The following MLIP variants were observed in gnomAD, a reference collection of about 807,000 sequenced individuals.
MLIP encodes muscular LMNA-interacting protein.
Under a neutral mutation model 84.8 loss-of-function variants are expected in MLIP, and 79 were observed. The observed-to-expected ratio is 0.93, with a 90% CI of 0.78 to 1.12. The LOEUF is 1.12. Among genes scored for constraint, MLIP ranks in the 50% most tolerant of loss-of-function variants. The probability of loss-of-function intolerance (pLI) is 0.00; values close to 1 mark genes in which losing one functional copy is unlikely to be tolerated. For synonymous variants in MLIP, 504 were observed against 463.0 expected (o/e 1.09, Z -1.14); for missense variants, 1,257 against 1,160.6 (o/e 1.08, Z -1.21).
chr6:54,235,764 G>A (rs551259660), intron 12 of MLIP, among the ~76,000 whole-genome samples: 33 of 152,246 alleles, frequency 2.2e-4, no homozygotes, highest in Non-Finnish European at 4.3e-4. Flanking sequence ...TTTATTGAAG[G>A]CTATATCCAG....
At chr6:54,238,401 C>T (rs1781504828) in intron 12 of MLIP, among the ~76,000 whole-genome samples, 1 of 152,200 alleles carries the variant, frequency 6.6e-6, no homozygotes, top group South Asian at 2.1e-4. Context: ...TTCTGGCCTA[C>T]TTTCAGTATT....
intron 1 of MLIP, among the ~76,000 whole-genome samples, chr6:54,080,160 A>C (rs1356162607): frequency 6.6e-6 from 1 of 152,076 alleles, no homozygotes; most frequent in Admixed American, 6.6e-5. Flanking sequence ...TTCATTCAAC[A>C]GTCCTGACAA....
At chr6:54,062,896 G>A (rs1766044697) in intron 1 of MLIP, among the ~76,000 whole-genome samples, 1 of 152,094 alleles carries the variant, frequency 6.6e-6, no homozygotes, top group Non-Finnish European at 1.5e-5. Context: ...AATGTGCAGG[G>A]CTAGAATTAA....
intron 11 of MLIP, chr6:54,216,730 T>C: frequency 1.0e-6 from 1 of 985,444 alleles, no homozygotes; most frequent in South Asian, 4.7e-5. Flanking sequence ...ATATGTCTGT[T>C]TGAAAAAATG....
chr6:54,213,212 G>T (rs1364024034), intron 11 of MLIP, among the ~76,000 whole-genome samples: 2 of 152,116 alleles, frequency 1.3e-5, no homozygotes, highest in Non-Finnish European at 2.9e-5. Context: ...TAATTTAGTT[G>T]TAGAACATCA....
At chr6:54,244,174 T>A (rs542759059) in intron 12 of MLIP, among the ~76,000 whole-genome samples, 2 of 152,120 alleles carry the variant, frequency 1.3e-5, no homozygotes, top group African/African-American at 4.8e-5. Context: ...TGATTAGAAA[T>A]CCGTGTGAAT....
At chr6:54,233,168 CTTTCT>C (rs1456037918) in intron 12 of MLIP, among the ~76,000 whole-genome samples, 1 of 152,080 alleles carries the variant, frequency 6.6e-6, no homozygotes, top group Non-Finnish European at 1.5e-5. Context: ...ATTCCTTTTA[CTTTCT>C]TTTCTTTTTT....
At position 54,222,457 on chromosome 6, in the gene MLIP, C is replaced by T. The variant is rs181365855; in HGVS notation, c.2719-8257C>T. 1.1e-3 allele frequency among the ~76,000 whole-genome samples: 174 copies of T among 152,066 alleles called. No individual in the cohort carries two copies. In the Middle Eastern group the frequency reaches 0.02, roughly 18 times the overall value. On this transcript the variant is annotated intron_variant, in intron 11 of 13. Transcript: ENST00000502396. ...TATTTTGGATTTCACATTTAAGTTACGTAATGCACTATTTGTCTTTCTGTG... is the reference window on the plus strand; with the variant it reads ...TATTTTGGATTTCACATTTAAGTTATGTAATGCACTATTTGTCTTTCTGTG...
chr6:54,140,717 C>T (rs561068620), intron 4 of MLIP, among the ~76,000 whole-genome samples: 1 of 151,946 alleles, frequency 6.6e-6, no homozygotes, highest in East Asian at 1.9e-4. Context: ...TTTCAGAAAT[C>T]GTATCTTGAG....
At position 54,266,021 on chromosome 6, in the gene MLIP, C is replaced by T; in HGVS notation, c.*66C>T. ...TTGGAATGCTGGTGCTAACCACTTG[C>T]TAGATTTAACTTTTTTTTTTTTTTC... On this transcript the variant is annotated 3_prime_UTR_variant, in exon 14 of 14. Coordinates refer to ENST00000502396, the MANE Select transcript of MLIP (RefSeq NM_001281747.2). 1.3e-6 allele frequency: 2 copies of T among 1,517,458 alleles called. No individual in the cohort carries two copies. The highest frequency in any genetic ancestry group is 1.8e-5 in the Admixed American group (1 of 54,654). 94.0% of individuals were successfully genotyped at this position (1,517,458 alleles called of 1,614,324 possible).
Position 54,202,062 on chromosome 6 carries a change from G to GT in MLIP, c.2590-36dup, listed in dbSNP as rs760902654. 1.1e-5 allele frequency: 16 copies of GT among 1,393,500 alleles called. No individual in the cohort carries two copies. In the Middle Eastern group the frequency reaches 5.8e-4, roughly 50 times the overall value. 86.3% of individuals were successfully genotyped at this position (1,393,500 alleles called of 1,614,324 possible). A position where few individuals can be genotyped will look rare whatever the true frequency, so the allele number is the denominator to read the frequency against. On this transcript the variant is annotated intron_variant, in intron 10 of 13. Transcript: ENST00000502396. ...AAACATATTTGTTCATTTTAATAGTGTTTTTTTCCTGTTTTTAAAATATTT... is the reference window on the plus strand; with the variant it reads ...AAACATATTTGTTCATTTTAATAGTGTTTTTTTTCCTGTTTTTAAAATATTT...
chr6:54,161,902 AT>A (rs1288611279), intron 8 of MLIP, among the ~76,000 whole-genome samples: 1 of 151,814 alleles, frequency 6.6e-6, no homozygotes, highest in Non-Finnish European at 1.5e-5. Context: ...TTTAAAATAT[AT>A]TTTTTCATAT....
intron 11 of MLIP, among the ~76,000 whole-genome samples, chr6:54,214,344 A>G (rs1779699839): frequency 6.6e-6 from 1 of 152,132 alleles, no homozygotes; most frequent in Non-Finnish European, 1.5e-5. Flanking sequence ...TTTATTCTAG[A>G]TTTACTTGGC....
At chr6:54,195,186 C>G (rs1778209672) in intron 10 of MLIP, among the ~76,000 whole-genome samples, 1 of 151,998 alleles carries the variant, frequency 6.6e-6, no homozygotes, top group African/African-American at 2.4e-5. Context: ...ATGGCACTTT[C>G]ACAAACTCTT....
intron 11 of MLIP, among the ~76,000 whole-genome samples, chr6:54,206,484 C>T (rs951619554): frequency 1.3e-5 from 2 of 151,110 alleles, no homozygotes; most frequent in African/African-American, 4.9e-5. Flanking sequence ...TATTTTTCTT[C>T]TACTCTGTTT....
chr6:54,183,948 C>A (rs7745732), intron 9 of MLIP, among the ~76,000 whole-genome samples: 160 of 152,110 alleles, frequency 1.1e-3, no homozygotes, highest in Middle Eastern at 6.8e-3. Context: ...AACATGGATT[C>A]ATTGTTTTGA....
At chr6:54,250,458 C>A (rs147226800) in intron 12 of MLIP, among the ~76,000 whole-genome samples, 2,535 of 152,066 alleles carry the variant, frequency 0.017, 84 homozygotes, top group African/African-American at 0.057. Context: ...TGGAATTAAC[C>A]CAAATGCCCA....
upstream of MLIP, among the ~76,000 whole-genome samples, chr6:54,109,426 G>A (rs1204940071): frequency 6.6e-6 from 1 of 152,162 alleles, no homozygotes; most frequent in African/African-American, 2.4e-5. Context: ...TTTCACAGGT[G>A]AGAGGACTGA....
At position 54,113,372 on chromosome 6, in the gene MLIP, T is replaced by A. The variant is rs145653956; in HGVS notation, c.96+1797T>A. ...ATCATGATATTGATGAGATTAGTTA[T>A]GTGATGAAACAGCCCTAGAAGATAA... On this transcript the variant is annotated intron_variant, in intron 1 of 13. Transcript: ENST00000502396. Among the ~76,000 whole-genome samples the A allele has an allele frequency of 3.2e-4, 48 of 152,294 alleles. No individual in the cohort carries two copies. The East Asian group carries it at 8.7e-3, about 28-fold the overall frequency.
Sources: gnomAD v4.1 joint callset for allele counts (sites outside exome capture counted in the v4.1 genomes callset) on GRCh38, gnomAD v4.1.1 for gene constraint, MANE v1.5 for transcripts, NCBI Gene and HGNC (gene_info 2026-07-23, HGNC 2026-07-21) for gene names.